The following CCAR1 variants were observed in gnomAD, a reference collection of about 807,000 sequenced individuals.
CCAR1 encodes cell division cycle and apoptosis regulator protein 1.
In CCAR1, 78 loss-of-function variants were observed where a neutral mutation model predicts 163.8. The observed-to-expected ratio is 0.48, with a 90% CI of 0.40 to 0.57. The LOEUF is 0.57. CCAR1 is among the 20% of genes least tolerant of loss of function. CCAR1 has a pLI of 0.00. For synonymous variants in CCAR1, 443 were observed against 460.7 expected (o/e 0.96, Z 0.49); for missense variants, 1,019 against 1,365.2 (o/e 0.75, Z 4.00).
chr10:68,728,371 G>A (rs1265252006), intron 2 of CCAR1, among the ~76,000 whole-genome samples: 5 of 148,244 alleles, frequency 3.4e-5, no homozygotes, highest in South Asian at 2.1e-4. Context: ...TTTTTTTTCC[G>A]TTGTTTTTGT....
At chr10:68,782,851 G>GA (rs1029872568) in intron 19 of CCAR1, among the ~76,000 whole-genome samples, 1 of 151,994 alleles carries the variant, frequency 6.6e-6, no homozygotes, top group South Asian at 2.1e-4. Flanking sequence ...GATCTGCTCA[G>GA]AAAAAAAGAT....
intron 2 of CCAR1, among the ~76,000 whole-genome samples, chr10:68,731,495 G>A (rs2056036964): frequency 6.6e-6 from 1 of 151,634 alleles, no homozygotes; most frequent in African/African-American, 2.4e-5. Context: ...GTACCTGGTA[G>A]TGTGAAGCAA....
intron 19 of CCAR1, among the ~76,000 whole-genome samples, chr10:68,780,430 A>C (rs531751428): frequency 6.6e-6 from 1 of 152,338 alleles, no homozygotes; most frequent in South Asian, 2.1e-4. Context: ...CCTGGCCTTA[A>C]GCCATCTTCC....
intron 3 of CCAR1, among the ~76,000 whole-genome samples, 197 bp from the exon 4 acceptor site, chr10:68,737,648 G>C (rs941793064): frequency 6.6e-6 from 1 of 151,478 alleles, no homozygotes; most frequent in African/African-American, 2.4e-5. Context: ...TTTAGATGAA[G>C]TTTCACTGTT....
chr10:68,725,918 C>G (rs190914060), intron 2 of CCAR1, among the ~76,000 whole-genome samples: 34 of 151,936 alleles, frequency 2.2e-4, no homozygotes, highest in African/African-American at 8.2e-4. Context: ...GAGTCCAAGA[C>G]CAGCCTGGGC....
chr10:68,745,913 A>C (rs2056247664), intron 6 of CCAR1, among the ~76,000 whole-genome samples: 1 of 152,100 alleles, frequency 6.6e-6, no homozygotes, highest in Admixed American at 6.6e-5. Context: ...ATGGCGTTAG[A>C]GGCATGAACC....
chr10:68,785,108 G>A (rs1028196719), intron 19 of CCAR1, among the ~76,000 whole-genome samples: 1 of 151,638 alleles, frequency 6.6e-6, no homozygotes, highest in East Asian at 1.9e-4. Flanking sequence ...TAGTAGAGAC[G>A]GGATTTCACC....
At chr10:68,762,334 A>G (rs904061316) in intron 16 of CCAR1, among the ~76,000 whole-genome samples, 6 of 111,032 alleles carry the variant, frequency 5.4e-5, no homozygotes, top group Admixed American at 1.1e-4. Flanking sequence ...GTCTAAAAAA[A>G]AAAACAAAAC....
intron 1 of CCAR1, among the ~76,000 whole-genome samples, chr10:68,722,067 C>G (rs1393562248): frequency 6.6e-6 from 1 of 152,118 alleles, no homozygotes; most frequent in African/African-American, 2.4e-5. Context: ...TTACCCTGGC[C>G]TCACTCCCCA....
chr10:68,782,560 T>C (rs2056749214), intron 19 of CCAR1, among the ~76,000 whole-genome samples: 1 of 152,190 alleles, frequency 6.6e-6, no homozygotes, highest in Admixed American at 6.6e-5. Flanking sequence ...TCTTAAGACT[T>C]TCACAGCTAG....
rs2056304305 is a variant in CCAR1 at position 68,749,557 on chromosome 10, A to G, written c.990A>G (p.Arg330=). The part of the protein sequence containing the change: ...RERERERRRS[R]ERSPQRKRSR... The stretch of plus-strand genomic sequence containing the variant: ...GAGAGAGAGAAAGACGTAGATCGAG[A>G]GAAAGATCACCTCAGAGGAAACGTT... The change falls in exon 10 of 25, where the codon AGA becomes AGG. Residue 330 remains arginine, a synonymous_variant. Transcript: ENST00000265872. 1 of 1,613,828 alleles carries G rather than the reference A, an allele frequency of 6.2e-7. No individual in the cohort carries two copies. The highest frequency in any genetic ancestry group is 1.3e-5 in the African/African-American group (1 of 74,916).
chr10:68,739,663 C>T (rs2056157937), intron 4 of CCAR1, among the ~76,000 whole-genome samples: 1 of 152,146 alleles, frequency 6.6e-6, no homozygotes, highest in South Asian at 2.1e-4. Context: ...TTCAGAGTAC[C>T]TTCCAACTTA....
chr10:68,767,491 C>T (rs2056550909), intron 17 of CCAR1, among the ~76,000 whole-genome samples: 1 of 152,162 alleles, frequency 6.6e-6, no homozygotes, highest in Non-Finnish European at 1.5e-5. Context: ...AGTGATCCAA[C>T]TGCCTCAGCT....
chr10:68,725,586 C>G (rs1241224408), intron 2 of CCAR1, among the ~76,000 whole-genome samples: 1 of 151,852 alleles, frequency 6.6e-6, no homozygotes, highest in Non-Finnish European at 1.5e-5. Flanking sequence ...TGAATGAAAC[C>G]AGTTGTGTTT....
chr10:68,777,695 A>T (rs1226727795), intron 19 of CCAR1, among the ~76,000 whole-genome samples: 1 of 151,526 alleles, frequency 6.6e-6, no homozygotes, highest in African/African-American at 2.4e-5. Context: ...AAAAAAAAAA[A>T]AGCCACTGTT....
intron 19 of CCAR1, among the ~76,000 whole-genome samples, chr10:68,776,327 G>T (rs2056667079): frequency 6.6e-6 from 1 of 151,664 alleles, no homozygotes; most frequent in African/African-American, 2.4e-5. Flanking sequence ...ACTTTGGGAG[G>T]CCAAGGTGGG....
intron 13 of CCAR1, 99 bp downstream of exon 13, chr10:68,755,635 C>T (rs1236005800): frequency 7.2e-6 from 7 of 970,868 alleles, no homozygotes; most frequent in Admixed American, 4.9e-5. Flanking sequence ...TTTTAGCAAC[C>T]CTGGTCAATG....
At position 68,747,273 on chromosome 10, in the gene CCAR1, C is replaced by A; in HGVS notation, c.631C>A (p.Gln211Lys). 6.3e-7 allele frequency: 1 copy of A among 1,595,848 alleles called. No individual in the cohort carries two copies. Among genetic ancestry groups the A allele is most frequent in the Non-Finnish European group, 8.6e-7 (1 of 1,167,010 alleles). The change falls in exon 7 of 25, where the codon CAG becomes AAG. Residue 211 changes from glutamine to lysine, a missense_variant and splice_region_variant. Physicochemically the swap from Gln to Lys is moderately conservative, Grantham distance 53 (BLOSUM62 1). Transcript: ENST00000265872. ...NAQRIQTLPNQNQSQTQPLLK... is the reference protein window; with the variant it reads ...NAQRIQTLPNKNQSQTQPLLK... ...ACAGAGAATTCAAACACTACCAAAT[C>A]AGGTACAGAAAGTATTGAGTTAGGT... is the stretch of plus-strand genomic sequence containing the variant.
At chr10:68,777,324 T>C (rs1287270345) in intron 19 of CCAR1, among the ~76,000 whole-genome samples, 1 of 152,214 alleles carries the variant, frequency 6.6e-6, no homozygotes, top group African/African-American at 2.4e-5. Context: ...AAATTTAGAA[T>C]TTATTTCATT....
Sources: gnomAD v4.1 joint callset for allele counts (sites outside exome capture counted in the v4.1 genomes callset) on GRCh38, gnomAD v4.1.1 for gene constraint, MANE v1.5 for transcripts, NCBI Gene and HGNC (gene_info 2026-07-23, HGNC 2026-07-21) for gene names.